Variants in MACROD1 observed in about 807,000 individuals in gnomAD.
MACROD1 encodes mono-ADP ribosylhydrolase 1, also known as ADP-ribose glycohydrolase MACROD1.
Under a neutral mutation model 41.4 loss-of-function variants are expected in MACROD1, and 31 were observed. The ratio of observed to expected loss-of-function variants is 0.75; its 90% CI spans 0.56 to 1.01. MACROD1 has a LOEUF of 1.01. Among genes scored for constraint, MACROD1 ranks in the 50% least tolerant of loss-of-function variants. MACROD1 has a pLI of 0.00. For synonymous variants in MACROD1, 252 were observed against 203.4 expected, an observed-to-expected ratio of 1.24 and a Z score of -2.03; for missense variants, 473 against 460.0, an observed-to-expected ratio of 1.03 and a Z score of -0.26.
intron 3 of MACROD1, among the ~76,000 whole-genome samples, chr11:64,085,356 G>T (rs914910540): frequency 6.6e-6 from 1 of 152,332 alleles, no homozygotes; most frequent in African/African-American, 2.4e-5. Flanking sequence ...ACCCCAAATC[G>T]AATTCGTGCT....
At chr11:64,164,557 G>A (rs2134741423) in intron 1 of MACROD1, among the ~76,000 whole-genome samples, 1 of 152,352 alleles carries the variant, frequency 6.6e-6, no homozygotes, top group East Asian at 1.9e-4. Flanking sequence ...TGCCTGACAA[G>A]TTCTCCATCT....
chr11:64,158,836 G>A (rs1945709012), intron 1 of MACROD1, among the ~76,000 whole-genome samples: 1 of 152,122 alleles, frequency 6.6e-6, no homozygotes, highest in Admixed American at 6.6e-5. Flanking sequence ...ATGATCTTCT[G>A]ATGAAAAGGC....
chr11:64,032,827 T>G (rs1032006019), intron 3 of MACROD1, among the ~76,000 whole-genome samples: 1 of 152,152 alleles, frequency 6.6e-6, no homozygotes, highest in African/African-American at 2.4e-5. Context: ...GGAATGACAC[T>G]CCCTCGTGGT....
intron 3 of MACROD1, among the ~76,000 whole-genome samples, chr11:64,139,383 G>A (rs1398175388): frequency 6.6e-6 from 1 of 152,178 alleles, no homozygotes; most frequent in Non-Finnish European, 1.5e-5. Flanking sequence ...TTCCCCATAA[G>A]ACTCCTTAGC....
At chr11:64,045,197 C>T (rs1943560955) in intron 3 of MACROD1, among the ~76,000 whole-genome samples, 1 of 150,962 alleles carries the variant, frequency 6.6e-6, no homozygotes, top group African/African-American at 2.4e-5. Context: ...CTGGGCCTCG[C>T]TGCCCGCTGG....
Position 64,082,057 on chromosome 11 carries a change from C to G in MACROD1, c.518-66776G>C, listed in dbSNP as rs1002447331. The stretch of plus-strand genomic sequence containing the variant: ...AGGTTGAAAAGTGTGTGAGCTGCAG[C>G]GTCCTGGGCTGGGGCAGAGGGGCCG... On this transcript the variant is annotated intron_variant, in intron 3 of 10. Coordinates refer to ENST00000255681, the MANE Select transcript of MACROD1 (RefSeq NM_014067.4). This position sits in a 1 kb window ranked among gnomAD's most constrained non-coding sequence, Gnocchi z 4.5. The G allele has an allele frequency of 6.6e-6, 1 of 152,184 alleles. No individual in the cohort carries two copies. Among genetic ancestry groups the G allele is most frequent in the Non-Finnish European group, 1.5e-5 (1 of 68,070 alleles). The allele number at this position is 152,184 out of a possible 1,614,324, so 9.4% of individuals were successfully genotyped here. A position where few individuals can be genotyped will look rare whatever the true frequency, so the allele number is the denominator to read the frequency against.
intron 3 of MACROD1, among the ~76,000 whole-genome samples, chr11:64,038,503 G>T (rs925251751): frequency 4.6e-5 from 7 of 152,204 alleles, no homozygotes; most frequent in Admixed American, 4.6e-4. Context: ...AGAGGTGGGT[G>T]TAGAGCCCAG....
chr11:64,165,675 G>GC, intron 1 of MACROD1, 22 bp downstream of exon 1: 2 of 1,387,002 alleles, frequency 1.4e-6, no homozygotes, highest in Non-Finnish European at 1.9e-6. Flanking sequence ...TCTCCCTCGC[G>GC]CCCCCTCGTG....
At chr11:64,076,037 C>CCCT in intron 3 of MACROD1, among the ~76,000 whole-genome samples, 1 of 152,322 alleles carries the variant, frequency 6.6e-6, no homozygotes, top group African/African-American at 2.4e-5. Context: ...GGTTCCAAGT[C>CCCT]GCTCTCTCAA....
In MACROD1 at chr11:64,036,783, C is replaced by T. The variant is rs972921645; in HGVS notation, c.518-21502G>A. On this transcript the variant is annotated intron_variant, in intron 3 of 10. Transcript: ENST00000255681. The surrounding 1 kb of genome is among the most constrained non-coding windows in gnomAD (Gnocchi z 5.6). ...CACCTGGCGGCTGGAACGGTGAGAC[C>T]ATGGTGCCTGGGCGGGGGGCGGCGG... Among the ~76,000 whole-genome samples, 4 of 152,168 alleles carry T rather than the reference C, an allele frequency of 2.6e-5. No homozygotes were observed. Among genetic ancestry groups the T allele is most frequent in the Non-Finnish European group, 4.4e-5 (3 of 68,000 alleles).
intron 3 of MACROD1, among the ~76,000 whole-genome samples, chr11:64,144,480 C>CTT (rs1945463141): frequency 6.6e-6 from 1 of 152,220 alleles, no homozygotes. Flanking sequence ...CGAGGTGGGG[C>CTT]TTGTTATCTG....
intron 3 of MACROD1, among the ~76,000 whole-genome samples, chr11:64,089,224 G>A (rs554999361): frequency 2.6e-5 from 4 of 152,164 alleles, no homozygotes; most frequent in African/African-American, 4.8e-5. Context: ...GCATTGCACC[G>A]CGGAGGTGAG....
chr11:64,021,759 G>C (rs1330701989), intron 3 of MACROD1, among the ~76,000 whole-genome samples: 3 of 151,976 alleles, frequency 2.0e-5, no homozygotes. Context: ...TCTGACAAGT[G>C]TGCAGCCAGC....
At chr11:64,116,247 G>T (rs368412412) in intron 3 of MACROD1, 1 of 1,582,704 alleles carries the variant, frequency 6.3e-7, no homozygotes, top group Admixed American at 1.7e-5. Flanking sequence ...AGGTGGGGCC[G>T]GACGCCCCCA....
chr11:64,084,372 CA>C (rs1024529412), intron 3 of MACROD1, among the ~76,000 whole-genome samples: 1 of 152,204 alleles, frequency 6.6e-6, no homozygotes, highest in Non-Finnish European at 1.5e-5. Context: ...TGCCCACGTG[CA>C]TTTCCTGCTC....
chr11:64,131,696 G>A (rs763098639), intron 3 of MACROD1, among the ~76,000 whole-genome samples: 7 of 152,198 alleles, frequency 4.6e-5, no homozygotes, highest in Non-Finnish European at 4.4e-5. Context: ...GTTTCAGGCT[G>A]TGACTACCAA....
chr11:64,078,494 C>T (rs972092722), intron 3 of MACROD1, among the ~76,000 whole-genome samples: 5 of 152,222 alleles, frequency 3.3e-5, no homozygotes, highest in African/African-American at 9.6e-5. Context: ...GTTATTCCAC[C>T]CCGGCCTCCC....
rs1945111330 is a variant in MACROD1 at position 64,122,282 on chromosome 11, G to A, written c.517+28957C>T. ...CTTGCTCCACGCTAACATGGTGCAT[G>A]CGGCGGCCAGGGGCCTCCCTGACAC... On this transcript the variant is annotated intron_variant, in intron 3 of 10. Transcript: ENST00000255681. The surrounding 1 kb of genome is among the most constrained non-coding windows in gnomAD (Gnocchi z 4.0). 1.3e-5 allele frequency among the ~76,000 whole-genome samples: 2 copies of A among 152,216 alleles called. No homozygotes were observed. The highest frequency in any genetic ancestry group is 2.1e-4 in the South Asian group (1 of 4,834).
At chr11:64,005,924 G>A (rs1942903351) in intron 4 of MACROD1, among the ~76,000 whole-genome samples, 1 of 152,226 alleles carries the variant, frequency 6.6e-6, no homozygotes, top group Admixed American at 6.5e-5. Flanking sequence ...GGGCTCCAGG[G>A]ACCACTCCCG....
Sources: allele counts gnomAD v4.1 joint callset (sites outside exome capture counted in the v4.1 genomes callset), GRCh38; gene constraint gnomAD v4.1.1; non-coding constraint Gnocchi (gnomAD v3.1); transcripts MANE v1.5; gene names NCBI Gene and HGNC (gene_info 2026-07-23, HGNC 2026-07-21).